SNX29: variants seen among roughly 807,000 people sequenced by gnomAD.
SNX29 encodes sorting nexin-29.
Under a neutral mutation model 102.1 loss-of-function variants are expected in SNX29, and 78 were observed. That is an observed-to-expected ratio of 0.76 (90% CI 0.64 to 0.92). SNX29 has a LOEUF of 0.92. Ranked by LOEUF, SNX29 falls within the 40% of genes least tolerant of loss-of-function variation. SNX29 has a pLI of 0.00. For missense variants in SNX29, 1,280 were observed against 1,061.7 expected, an observed-to-expected ratio of 1.21 and a Z score of -2.86; for synonymous variants, 580 against 414.5, an observed-to-expected ratio of 1.40 and a Z score of -4.85.
chr16:12,457,517 C>G (rs1294429973), intron 18 of SNX29, among the ~76,000 whole-genome samples: 1 of 152,190 alleles, frequency 6.6e-6, no homozygotes, highest in Non-Finnish European at 1.5e-5. Context: ...AGCTCTTTCT[C>G]TACTGCTTCA....
At chr16:11,999,159 T>C (rs1340993103) in intron 1 of SNX29, 138 bp from the exon 2 acceptor site, 1 of 734,018 alleles carries the variant, frequency 1.4e-6, no homozygotes, top group Admixed American at 2.8e-5. Flanking sequence ...ATAGCCAAAC[T>C]TCATTGTAAT....
intron 14 of SNX29, among the ~76,000 whole-genome samples, chr16:12,260,345 G>T (rs1171572105): frequency 1.3e-5 from 2 of 152,134 alleles, no homozygotes; most frequent in East Asian, 3.8e-4. Flanking sequence ...GATTTTTGTT[G>T]TTCTTTTAAC....
chr16:12,193,730 C>G (rs572872961), intron 13 of SNX29, among the ~76,000 whole-genome samples: 1 of 152,184 alleles, frequency 6.6e-6, no homozygotes, highest in African/African-American at 2.4e-5. Flanking sequence ...CTTGTTGTTC[C>G]AAAATCATGT....
intron 14 of SNX29, among the ~76,000 whole-genome samples, chr16:12,229,599 G>GTTT (rs113574666): frequency 9.7e-5 from 14 of 144,944 alleles, no homozygotes; most frequent in African/African-American, 3.5e-4. Flanking sequence ...GAATGGTGGG[G>GTTT]TTTTTTTTTT....
chr16:12,546,963 C>CA (rs1342637957), intron 20 of SNX29, among the ~76,000 whole-genome samples: 1 of 152,148 alleles, frequency 6.6e-6, no homozygotes, highest in African/African-American at 2.4e-5. Flanking sequence ...CCCCTCCATC[C>CA]ACCCATTCCT....
intron 10 of SNX29, among the ~76,000 whole-genome samples, chr16:12,075,399 G>A (rs1196314508): frequency 6.6e-6 from 1 of 152,210 alleles, no homozygotes; most frequent in African/African-American, 2.4e-5. Context: ...ACCCTCAGCT[G>A]CAGTCTGTTG....
At chr16:12,272,835 C>T (rs372264234) in intron 14 of SNX29, among the ~76,000 whole-genome samples, 8 of 152,094 alleles carry the variant, frequency 5.3e-5, no homozygotes, top group South Asian at 4.2e-4. Flanking sequence ...CGCCTGTTGC[C>T]GCTTTTTTAT....
chr16:12,139,979 TCA>T (rs1491260001), intron 13 of SNX29, among the ~76,000 whole-genome samples: 10 of 63,058 alleles, frequency 1.6e-4, no homozygotes, highest in African/African-American at 3.2e-4. Context: ...ATACCCTGTC[TCA>T]AAAAAAAAAA....
At chr16:12,534,600 C>G (rs2160573) in intron 20 of SNX29, among the ~76,000 whole-genome samples, 1 of 152,188 alleles carries the variant, frequency 6.6e-6, no homozygotes, top group South Asian at 2.1e-4. Context: ...GTATTGTCAC[C>G]TGTTAAATTC....
chr16:12,543,569 A>T (rs2077443034), intron 20 of SNX29, among the ~76,000 whole-genome samples: 1 of 152,168 alleles, frequency 6.6e-6, no homozygotes, highest in Non-Finnish European at 1.5e-5. Context: ...CCACGAGATC[A>T]CGCTTCCGTG....
At position 12,090,552 on chromosome 16, in the gene SNX29, G is replaced by A. The variant is rs1481227435; in HGVS notation, c.1402+11637G>A. Among the ~76,000 whole-genome samples the A allele has an allele frequency of 3.9e-5, 6 of 152,284 alleles. No individual in the cohort carries two copies. The South Asian group carries it at 1.2e-3, about 32-fold the overall frequency. On this transcript the variant is annotated intron_variant, in intron 11 of 20. Coordinates refer to ENST00000566228, the MANE Select transcript of SNX29 (RefSeq NM_032167.5). ...TAGCTCCCCAAGGGTTCAAGTGCCAGCTCCAAACCCTAGTCCCGGGGTTTA... is the reference window on the plus strand; with the variant it reads ...TAGCTCCCCAAGGGTTCAAGTGCCAACTCCAAACCCTAGTCCCGGGGTTTA...
chr16:12,125,582 G>C (rs944758803), intron 11 of SNX29, among the ~76,000 whole-genome samples: 12 of 148,050 alleles, frequency 8.1e-5, no homozygotes, highest in African/African-American at 3.0e-4. Flanking sequence ...CTCCTGCAAG[G>C]GGGGCTTGTG....
At chr16:12,068,927 G>A (rs2051163452) in intron 9 of SNX29, 130 bp from the exon 10 acceptor site, 2 of 764,302 alleles carry the variant, frequency 2.6e-6, no homozygotes, top group East Asian at 2.6e-5. Context: ...CCAGCTTGCA[G>A]GAGAGATGGA....
rs1214616402 is a variant in SNX29, at chr16:12,046,427, T to G, written c.472T>G (p.Ser158Ala). 1 of 1,613,860 alleles carries G rather than the reference T, an allele frequency of 6.2e-7. No individual in the cohort carries two copies. Among genetic ancestry groups the G allele is most frequent in the African/African-American group, 1.3e-5 (1 of 75,038 alleles). Residue 158 changes from serine to alanine, a missense_variant, in exon 6 of 21, where the codon TCC (serine) becomes GCC (alanine). Coordinates refer to ENST00000566228, the MANE Select transcript of SNX29 (RefSeq NM_032167.5). ...DWSFVMDEER[S>A]SMLPTMAAGL... ...GTCTTTTGTGATGGATGAAGAAAGG[T>G]CCAGTATGCTTCCTACCATGGCAGC...
chr16:12,432,686 G>A (rs2085362328), intron 18 of SNX29, among the ~76,000 whole-genome samples: 1 of 152,252 alleles, frequency 6.6e-6, no homozygotes, highest in Non-Finnish European at 1.5e-5. Context: ...GGCTGTCTAG[G>A]TCCATGCCTT....
At chr16:12,371,214 G>T (rs2082670176) in intron 16 of SNX29, among the ~76,000 whole-genome samples, 2 of 152,090 alleles carry the variant, frequency 1.3e-5, no homozygotes, top group Non-Finnish European at 2.9e-5. Flanking sequence ...AGAACTTCAA[G>T]CTCCTTTGGA....
intron 20 of SNX29, among the ~76,000 whole-genome samples, chr16:12,547,317 G>C (rs1034283053): frequency 1.3e-5 from 2 of 152,210 alleles, no homozygotes; most frequent in African/African-American, 4.8e-5. Flanking sequence ...GGTAGCCCAG[G>C]AACAGAGAGG....
chr16:11,986,385 A>AG (rs72556582), intron 1 of SNX29, among the ~76,000 whole-genome samples: 5,164 of 151,642 alleles, frequency 0.034, 134 homozygotes, highest in South Asian at 0.081. Flanking sequence ...AAAAAAAAAA[A>AG]AAAAAAGCGA....
intron 14 of SNX29, among the ~76,000 whole-genome samples, chr16:12,238,179 A>T (rs2077993780): frequency 6.6e-6 from 1 of 152,176 alleles, no homozygotes; most frequent in Non-Finnish European, 1.5e-5. Context: ...TAAGATTTAC[A>T]TAAGATTTAT....
Sources: gnomAD v4.1 joint callset for allele counts (sites outside exome capture counted in the v4.1 genomes callset) on GRCh38, gnomAD v4.1.1 for gene constraint, MANE v1.5 for transcripts, NCBI Gene and HGNC (gene_info 2026-07-23, HGNC 2026-07-21) for gene names.